SYNPR: variants seen among roughly 807,000 people sequenced by gnomAD.
The protein encoded by SYNPR is synaptoporin.
A neutral mutation model predicts 32.9 loss-of-function variants in SYNPR; 23 were observed. That is an observed-to-expected ratio of 0.70 (90% CI 0.50 to 0.99). The LOEUF (loss-of-function observed/expected upper bound fraction) is 0.99, where lower values mean the gene tolerates loss of function less well. Among genes scored for constraint, SYNPR ranks in the 50% least tolerant of loss-of-function variants. The probability of loss-of-function intolerance (pLI) is 0.00; values close to 1 mark genes in which losing one functional copy is unlikely to be tolerated. For missense variants in SYNPR, 318 were observed against 349.3 expected, an observed-to-expected ratio of 0.91 and a Z score of 0.71; for synonymous variants, 146 against 135.9, an observed-to-expected ratio of 1.07 and a Z score of -0.52.
At chr3:63,229,895 T>A (rs1381519914) in intron 1 of SYNPR, among the ~76,000 whole-genome samples, 1 of 152,164 alleles carries the variant, frequency 6.6e-6, no homozygotes, top group Non-Finnish European at 1.5e-5. Context: ...ATCACTAGTT[T>A]TAAAGTCTAG....
At chr3:63,506,789 C>G (rs769608583) in intron 3 of SYNPR, among the ~76,000 whole-genome samples, 2 of 152,124 alleles carry the variant, frequency 1.3e-5, no homozygotes, top group Non-Finnish European at 2.9e-5. Flanking sequence ...TTAAAAGGAT[C>G]ATTTTAAATT....
At chr3:63,456,322 T>C (rs1700480448) in intron 2 of SYNPR, among the ~76,000 whole-genome samples, 1 of 152,060 alleles carries the variant, frequency 6.6e-6, no homozygotes, top group Non-Finnish European at 1.5e-5. Flanking sequence ...TTGACAATCA[T>C]TTAGAATTCA....
intron 2 of SYNPR, among the ~76,000 whole-genome samples, chr3:63,450,567 A>C (rs1302506396): frequency 6.6e-6 from 1 of 152,142 alleles, no homozygotes; most frequent in East Asian, 1.9e-4. Flanking sequence ...TTGGGTTATA[A>C]GCAGATGTCT....
Position 63,564,771 on chromosome 3 carries a change from A to G in SYNPR, c.408+8030A>G, listed in dbSNP as rs560031012. ...AACGATTAGTGAATTCTTAATTACA[A>G]TTTAAATGAAGGTTCATTCCCACTG... On this transcript the variant is annotated intron_variant, in intron 4 of 5. Coordinates refer to ENST00000478300, the MANE Select transcript of SYNPR (RefSeq NM_001130003.2). Among the ~76,000 whole-genome samples, 3 of 152,326 alleles carry G rather than the reference A, an allele frequency of 2.0e-5. No individual in the cohort carries two copies. The South Asian group carries it at 6.2e-4, about 32-fold the overall frequency.
chr3:63,325,220 T>A (rs1288215635), intron 2 of SYNPR, among the ~76,000 whole-genome samples: 1 of 152,086 alleles, frequency 6.6e-6, no homozygotes, highest in Non-Finnish European at 1.5e-5. Flanking sequence ...AGACAGAACG[T>A]TAATTAGATC....
At chr3:63,269,634 T>C (rs909291632) in intron 3 of SYNPR, among the ~76,000 whole-genome samples, 6 of 152,258 alleles carry the variant, frequency 3.9e-5, no homozygotes, top group Admixed American at 3.9e-4. Context: ...ATAGAAACAC[T>C]GCTAGGTAAG....
intron 3 of SYNPR, among the ~76,000 whole-genome samples, chr3:63,501,433 T>C (rs1701476431): frequency 6.7e-6 from 1 of 148,794 alleles, no homozygotes; most frequent in African/African-American, 2.5e-5. Flanking sequence ...AAGCTGAGTT[T>C]CTGTTAGTGC....
At chr3:63,612,476 G>T (rs548934573) in intron 5 of SYNPR, among the ~76,000 whole-genome samples, 1 of 152,184 alleles carries the variant, frequency 6.6e-6, no homozygotes, top group South Asian at 2.1e-4. Flanking sequence ...CTTTTTAGAC[G>T]ATCTAGATCT....
intron 3 of SYNPR, among the ~76,000 whole-genome samples, chr3:63,484,573 T>C (rs1489879168): frequency 6.6e-6 from 1 of 152,094 alleles, no homozygotes; most frequent in African/African-American, 2.4e-5. Context: ...AGGGTCAGAA[T>C]GATGAATGAA....
intron 4 of SYNPR, among the ~76,000 whole-genome samples, chr3:63,566,845 T>C (rs1024534878): frequency 6.6e-6 from 1 of 152,206 alleles, no homozygotes; most frequent in African/African-American, 2.4e-5. Flanking sequence ...ACTCAGCAGG[T>C]GCTAACTAAT....
At chr3:63,324,806 G>A (rs891442902) in intron 2 of SYNPR, among the ~76,000 whole-genome samples, 11 of 152,052 alleles carry the variant, frequency 7.2e-5, no homozygotes, top group Non-Finnish European at 1.2e-4. Context: ...CAGACACTGG[G>A]TTGCAGCTGC....
the SYNPR span, among the ~76,000 whole-genome samples, chr3:63,208,637 G>C: frequency 6.6e-6 from 1 of 152,160 alleles, no homozygotes; most frequent in Admixed American, 6.5e-5. Flanking sequence ...ACTGTTCCAG[G>C]AGATGCTGTG....
chr3:63,613,978 G>C (rs1038245088), intron 5 of SYNPR, among the ~76,000 whole-genome samples: 1 of 152,056 alleles, frequency 6.6e-6, no homozygotes, highest in Non-Finnish European at 1.5e-5. Context: ...TATTTTGATA[G>C]TCTCAGATCC....
chr3:63,331,539 C>T (rs968697400), intron 2 of SYNPR, among the ~76,000 whole-genome samples: 6 of 152,072 alleles, frequency 3.9e-5, no homozygotes, highest in Admixed American at 2.0e-4. Flanking sequence ...TAAATGCTCA[C>T]GTATCTTTAT....
At chr3:63,335,883 T>C (rs1483191919) in intron 2 of SYNPR, among the ~76,000 whole-genome samples, 3 of 149,618 alleles carry the variant, frequency 2.0e-5, no homozygotes, top group Non-Finnish European at 4.4e-5. Flanking sequence ...TTCAAGCGAT[T>C]CTTCTGCCTC....
intron 2 of SYNPR, among the ~76,000 whole-genome samples, chr3:63,281,087 G>C (rs1377249217): frequency 6.6e-6 from 1 of 152,152 alleles, no homozygotes; most frequent in Non-Finnish European, 1.5e-5. Flanking sequence ...ATGGCTTGAG[G>C]AGGCACTCTG....
At chr3:63,442,370 A>T (rs768613478) in intron 2 of SYNPR, among the ~76,000 whole-genome samples, 1 of 152,130 alleles carries the variant, frequency 6.6e-6, no homozygotes, top group Non-Finnish European at 1.5e-5. Context: ...ACATTCCCGC[A>T]CCGAGTGGGG....
chr3:63,427,146 T>TAA (rs36040199), intron 2 of SYNPR, among the ~76,000 whole-genome samples: 234 of 140,334 alleles, frequency 1.7e-3, no homozygotes, highest in Admixed American at 2.3e-3. Context: ...TCTTTATCTT[T>TAA]AAAAAAAAAA....
intron 2 of SYNPR, among the ~76,000 whole-genome samples, chr3:63,254,894 G>A (rs2106892984): frequency 6.6e-6 from 1 of 152,300 alleles, no homozygotes; most frequent in South Asian, 2.1e-4. Context: ...GCCCAGACAG[G>A]AACAGAGGGA....
Sources: gnomAD v4.1 joint callset for allele counts (sites outside exome capture counted in the v4.1 genomes callset) on GRCh38, gnomAD v4.1.1 for gene constraint, MANE v1.5 for transcripts, NCBI Gene and HGNC (gene_info 2026-07-23, HGNC 2026-07-21) for gene names.